The following RORB variants were observed in gnomAD, a reference collection of about 807,000 sequenced individuals.
RORB encodes the protein nuclear receptor ROR-beta.
In RORB, 6 loss-of-function variants were observed where a neutral mutation model predicts 59.1. The observed-to-expected ratio is 0.10, with a 90% CI of 0.06 to 0.20. The LOEUF is 0.20. Among genes scored for constraint, RORB ranks in the 10% least tolerant of loss-of-function variants. The pLI, the probability that RORB is intolerant of heterozygous loss-of-function variation, is 1.00. For synonymous variants in RORB, 215 were observed against 204.5 expected (o/e 1.05, Z -0.44); for missense variants, 320 against 560.5 (o/e 0.57, Z 4.33).
At chr9:74,533,794 C>T (rs1826280949) in intron 1 of RORB, among the ~76,000 whole-genome samples, 1 of 151,908 alleles carries the variant, frequency 6.6e-6, no homozygotes, top group Admixed American at 6.6e-5. Flanking sequence ...TAAATATATT[C>T]GTGCTGAAAT....
At position 74,511,719 on chromosome 9, in the gene RORB, G is replaced by T. The variant is rs112415013; in HGVS notation, c.7+13736G>T. ...TGTGTTTTAGCTCATCCATTTGCCT[G>T]AGGTCATCTAGTATGATAATAAGGT... On this transcript the variant is annotated intron_variant, in intron 1 of 9. Coordinates refer to ENST00000376896, the MANE Select transcript of RORB (RefSeq NM_006914.4). Among the ~76,000 whole-genome samples the T allele has an allele frequency of 5.9e-3, 888 of 149,638 alleles. 8 individuals carry two copies. Among genetic ancestry groups the T allele is most frequent in the African/African-American group, 0.021 (834 of 40,532 alleles).
chr9:74,518,203 T>G (rs1226577453), intron 1 of RORB, among the ~76,000 whole-genome samples: 1 of 151,982 alleles, frequency 6.6e-6, no homozygotes, highest in Non-Finnish European at 1.5e-5. Context: ...TCTAGGGAAA[T>G]GCACTAATTT....
chr9:74,622,325 T>A (rs886714036), intron 1 of RORB, among the ~76,000 whole-genome samples: 1 of 152,092 alleles, frequency 6.6e-6, no homozygotes, highest in African/African-American at 2.4e-5. Flanking sequence ...CATAACTGGA[T>A]AAAATGAGCT....
At chr9:74,521,602 AC>A (rs1168782023) in intron 1 of RORB, among the ~76,000 whole-genome samples, 1 of 152,004 alleles carries the variant, frequency 6.6e-6, no homozygotes, top group East Asian at 1.9e-4. Context: ...ATATTTCAGA[AC>A]TTTTCCGTAG....
chr9:74,665,719 G>A (rs1008909813), intron 7 of RORB, 124 bp downstream of exon 7: 17 of 637,422 alleles, frequency 2.7e-5, no homozygotes, highest in Middle Eastern at 5.4e-4. Flanking sequence ...TATTCGATAA[G>A]CGATGGACCA....
At chr9:74,578,312 CATGT>C (rs1379811519) in intron 1 of RORB, among the ~76,000 whole-genome samples, 2 of 152,076 alleles carry the variant, frequency 1.3e-5, no homozygotes, top group African/African-American at 2.4e-5. Context: ...GTTAATGGCT[CATGT>C]GAGAAAGAAA....
At chr9:74,594,984 T>A (rs764238889) in intron 1 of RORB, among the ~76,000 whole-genome samples, 1 of 152,164 alleles carries the variant, frequency 6.6e-6, no homozygotes, top group Non-Finnish European at 1.5e-5. Flanking sequence ...TGTCCCTTTT[T>A]AGTGGATGAT....
intron 1 of RORB, among the ~76,000 whole-genome samples, chr9:74,537,245 A>G (rs1826334283): frequency 1.3e-5 from 2 of 152,076 alleles, no homozygotes; most frequent in South Asian, 2.1e-4. Flanking sequence ...TTTGCTTGGG[A>G]ACTTGAAGAA....
At chr9:74,684,502 C>A (rs1321753320) in intron 9 of RORB, among the ~76,000 whole-genome samples, 1 of 151,086 alleles carries the variant, frequency 6.6e-6, no homozygotes, top group Non-Finnish European at 1.5e-5. Context: ...CTAATTTTGA[C>A]ACAAAAATGA....
intron 1 of RORB, among the ~76,000 whole-genome samples, chr9:74,578,678 A>G (rs1822673281): frequency 4.8e-5 from 1 of 20,740 alleles, no homozygotes; most frequent in Non-Finnish European, 1.9e-4. Context: ...TATTTGGAGT[A>G]GAAGATCCTT....
intron 1 of RORB, among the ~76,000 whole-genome samples, chr9:74,602,016 C>A (rs903552541): frequency 2.0e-5 from 3 of 152,128 alleles, no homozygotes; most frequent in Admixed American, 1.3e-4. Context: ...AGTCCCACAC[C>A]GACACTTCCT....
intron 3 of RORB, among the ~76,000 whole-genome samples, chr9:74,639,842 A>G (rs1484365379): frequency 6.6e-6 from 1 of 152,186 alleles, no homozygotes; most frequent in East Asian, 1.9e-4. Flanking sequence ...TTTTTTCCCT[A>G]TACAAAAGGT....
chr9:74,531,847 T>C (rs1449717697), intron 1 of RORB, among the ~76,000 whole-genome samples: 1 of 151,966 alleles, frequency 6.6e-6, no homozygotes, highest in Admixed American at 6.6e-5. Context: ...TGCTGTCTTC[T>C]TGCAGATGGG....
At chr9:74,614,200 G>A (rs891100562) in intron 1 of RORB, among the ~76,000 whole-genome samples, 1 of 152,164 alleles carries the variant, frequency 6.6e-6, no homozygotes, top group Non-Finnish European at 1.5e-5. Context: ...ATATGGTTGC[G>A]TGTGCATAGA....
chr9:74,614,645 T>C (rs1280707738), intron 1 of RORB, among the ~76,000 whole-genome samples: 2 of 151,962 alleles, frequency 1.3e-5, no homozygotes, highest in African/African-American at 4.8e-5. Flanking sequence ...TGGAAAGAAA[T>C]CAAGAGCTTT....
At chr9:74,620,763 T>G (rs1018208423) in intron 1 of RORB, among the ~76,000 whole-genome samples, 1 of 152,222 alleles carries the variant, frequency 6.6e-6, no homozygotes, top group African/African-American at 2.4e-5. Flanking sequence ...TCTCATTGGT[T>G]TCAAAGAACA....
Position 74,504,457 on chromosome 9 carries a change from T to A in RORB, c.7+6474T>A, listed in dbSNP as rs536967901. Among the ~76,000 whole-genome samples the A allele has an allele frequency of 9.9e-5, 15 of 152,142 alleles. No individual in the cohort carries two copies. In the South Asian group the frequency reaches 3.1e-3, roughly 32 times the overall value. On this transcript the variant is annotated intron_variant, in intron 1 of 9. Transcript: ENST00000376896. ...CGAACATCTTGCCTTCGCCAAAATA[T>A]AAGGCTAAAATCTTACTCAAAAATA...
intron 1 of RORB, among the ~76,000 whole-genome samples, chr9:74,586,475 G>C (rs1344555092): frequency 6.6e-6 from 1 of 152,070 alleles, no homozygotes; most frequent in Non-Finnish European, 1.5e-5. Flanking sequence ...TCCAGCCTGG[G>C]TGACAGAATG....
At chr9:74,566,770 C>T (rs1447212121) in intron 1 of RORB, among the ~76,000 whole-genome samples, 1 of 152,110 alleles carries the variant, frequency 6.6e-6, no homozygotes, top group Non-Finnish European at 1.5e-5. Flanking sequence ...GCGCTCCAAC[C>T]TGGAAACAGG....
Sources: allele counts gnomAD v4.1 joint callset (sites outside exome capture counted in the v4.1 genomes callset), GRCh38; gene constraint gnomAD v4.1.1; transcripts MANE v1.5; gene names NCBI Gene and HGNC (gene_info 2026-07-23, HGNC 2026-07-21).